Variants in SYNDIG1 observed in about 807,000 individuals in gnomAD.
The protein encoded by SYNDIG1 is synapse differentiation-inducing gene protein 1.
Under a neutral mutation model 19.4 loss-of-function variants are expected in SYNDIG1, and 9 were observed. The observed-to-expected ratio is 0.46, with a 90% CI of 0.28 to 0.81. SYNDIG1 has a LOEUF of 0.81. Among genes scored for constraint, SYNDIG1 ranks in the 30% least tolerant of loss-of-function variants. The pLI is 0.12. For synonymous variants in SYNDIG1, 141 were observed against 145.9 expected (o/e 0.97, Z 0.24); for missense variants, 311 against 343.3 (o/e 0.91, Z 0.74).
intron 1 of SYNDIG1, among the ~76,000 whole-genome samples, chr20:24,520,261 A>T (rs891390824): frequency 4.0e-5 from 6 of 150,786 alleles, no homozygotes; most frequent in Non-Finnish European, 8.9e-5. Flanking sequence ...TATCTTACAT[A>T]ATAGTATATG....
At chr20:24,557,719 G>A (rs113387231) in intron 2 of SYNDIG1, among the ~76,000 whole-genome samples, 19 of 152,154 alleles carry the variant, frequency 1.2e-4, no homozygotes, top group African/African-American at 3.9e-4. Flanking sequence ...GCCCGTACTG[G>A]GGGGTGCCTC....
intron 3 of SYNDIG1, among the ~76,000 whole-genome samples, chr20:24,661,404 G>GGGGGGAA (rs2059588816): frequency 6.3e-5 from 1 of 15,994 alleles, no homozygotes. Context: ...GGAGGAGGTA[G>GGGGGGAA]GAAAGAAGGA....
chr20:24,574,682 T>C (rs2058198946), intron 2 of SYNDIG1, among the ~76,000 whole-genome samples: 1 of 152,180 alleles, frequency 6.6e-6, no homozygotes, highest in African/African-American at 2.4e-5. Flanking sequence ...AGACAAGTAT[T>C]TCAATTAATG....
intron 2 of SYNDIG1, among the ~76,000 whole-genome samples, chr20:24,577,585 A>C (rs1183030913): frequency 6.6e-6 from 1 of 152,208 alleles, no homozygotes; most frequent in African/African-American, 2.4e-5. Flanking sequence ...TGTGATGTGG[A>C]CAGAGGGTAT....
intron 1 of SYNDIG1, among the ~76,000 whole-genome samples, chr20:24,503,994 C>CT (rs1261358125): frequency 7.0e-6 from 1 of 142,492 alleles, no homozygotes; most frequent in Non-Finnish European, 1.5e-5. Context: ...GAGTCTCACA[C>CT]TTTCGCCCAG....
intron 3 of SYNDIG1, 96 bp from the exon 4 acceptor site, chr20:24,665,250 G>A: frequency 6.3e-6 from 9 of 1,433,136 alleles, no homozygotes; most frequent in Non-Finnish European, 8.5e-6. Flanking sequence ...CATCAACAAT[G>A]CCTTTTTCTG....
intron 1 of SYNDIG1, among the ~76,000 whole-genome samples, chr20:24,474,717 C>A (rs2055566666): frequency 6.6e-6 from 1 of 152,228 alleles, no homozygotes; most frequent in Non-Finnish European, 1.5e-5. Context: ...CTGCGTCTTT[C>A]AAGAACGGCT....
chr20:24,597,644 G>T (rs932965289), intron 3 of SYNDIG1, among the ~76,000 whole-genome samples: 8 of 152,132 alleles, frequency 5.3e-5, no homozygotes, highest in Admixed American at 2.6e-4. Context: ...GGGCTCCCTA[G>T]AACACAGAAC....
chr20:24,614,556 C>T (rs1051971244), intron 3 of SYNDIG1, among the ~76,000 whole-genome samples: 1 of 129,020 alleles, frequency 7.8e-6, no homozygotes, highest in African/African-American at 3.0e-5. Context: ...GGAGTGATCA[C>T]AGCAATATAT....
rs1473251186 is a variant in SYNDIG1 at position 24,659,701 on chromosome 20, C to A, written c.619-5645C>A. ...GGTGGGGAGAGGCCTGGAGAGGGAG[C>A]CGGGCAATACCTGCCCTTGACAGGT... On this transcript the variant is annotated intron_variant, in intron 3 of 3. Coordinates refer to ENST00000376862, the MANE Select transcript of SYNDIG1 (RefSeq NM_024893.3). 2.0e-5 allele frequency among the ~76,000 whole-genome samples: 3 copies of A among 152,172 alleles called. No homozygotes were observed. In the East Asian group the frequency reaches 5.8e-4, roughly 29 times the overall value.
intron 1 of SYNDIG1, among the ~76,000 whole-genome samples, chr20:24,489,399 AT>A (rs1477572733): frequency 3.0e-5 from 4 of 132,800 alleles, no homozygotes; most frequent in Admixed American, 7.7e-5. Flanking sequence ...ATACAGACAC[AT>A]GTGCACACAG....
intron 1 of SYNDIG1, among the ~76,000 whole-genome samples, chr20:24,516,206 C>G (rs2056859483): frequency 6.6e-6 from 1 of 150,778 alleles, no homozygotes; most frequent in African/African-American, 2.4e-5. Context: ...GATTAAAATG[C>G]TAGACCGAAA....
At chr20:24,623,676 G>A (rs1447609436) in intron 3 of SYNDIG1, among the ~76,000 whole-genome samples, 2 of 152,112 alleles carry the variant, frequency 1.3e-5, no homozygotes, top group African/African-American at 4.8e-5. Flanking sequence ...CACGACACAT[G>A]GAGCAGTATG....
At chr20:24,649,485 A>G (rs1245583302) in intron 3 of SYNDIG1, among the ~76,000 whole-genome samples, 2 of 152,196 alleles carry the variant, frequency 1.3e-5, no homozygotes, top group Non-Finnish European at 2.9e-5. Context: ...CTATAAACTC[A>G]GGGCCCATAC....
chr20:24,592,672 G>C (rs116789675), intron 3 of SYNDIG1, among the ~76,000 whole-genome samples: 9 of 152,106 alleles, frequency 5.9e-5, no homozygotes, highest in African/African-American at 1.9e-4. Flanking sequence ...TGAGTGCAGC[G>C]GCACGATCAT....
chr20:24,654,282 G>GT (rs1211200583), intron 3 of SYNDIG1, among the ~76,000 whole-genome samples: 1 of 152,086 alleles, frequency 6.6e-6, no homozygotes, highest in African/African-American at 2.4e-5. Context: ...GAACAAATGG[G>GT]TGAGGGTCAG....
intron 3 of SYNDIG1, among the ~76,000 whole-genome samples, chr20:24,617,926 G>C (rs2058967059): frequency 6.9e-6 from 1 of 145,354 alleles, no homozygotes; most frequent in Non-Finnish European, 1.5e-5. Context: ...AAGCGGGAGA[G>C]CCCGGGGAGT....
intron 1 of SYNDIG1, among the ~76,000 whole-genome samples, chr20:24,479,488 A>G (rs1412074725): frequency 3.9e-5 from 6 of 152,064 alleles, no homozygotes; most frequent in African/African-American, 1.4e-4. Context: ...CCCATTCTCT[A>G]TCTGCTCCCT....
At chr20:24,537,509 C>G (rs1210679239) in intron 1 of SYNDIG1, among the ~76,000 whole-genome samples, 1 of 152,024 alleles carries the variant, frequency 6.6e-6, no homozygotes, top group Non-Finnish European at 1.5e-5. Flanking sequence ...CACAGCCAGT[C>G]TTGTTTTCCC....
Sources: allele counts gnomAD v4.1 joint callset (sites outside exome capture counted in the v4.1 genomes callset), GRCh38; gene constraint gnomAD v4.1.1; transcripts MANE v1.5; gene names NCBI Gene and HGNC (gene_info 2026-07-23, HGNC 2026-07-21).